KCNQ3: variants seen among roughly 807,000 people sequenced by gnomAD.
KCNQ3 encodes the protein potassium voltage-gated channel subfamily Q member 3.
KCNQ3 carries 30 observed loss-of-function variants against 92.5 expected under a neutral mutation model. The ratio of observed to expected loss-of-function variants is 0.32; its 90% CI spans 0.24 to 0.44. KCNQ3 has a LOEUF of 0.44. Ranked by LOEUF, KCNQ3 falls within the 20% of genes least tolerant of loss-of-function variation. KCNQ3 has a pLI of 1.00. For synonymous variants in KCNQ3, 450 were observed against 468.8 expected (o/e 0.96, Z 0.52); for missense variants, 913 against 1,140.3 (o/e 0.80, Z 2.87).
intron 1 of KCNQ3, among the ~76,000 whole-genome samples, chr8:132,398,245 C>T (rs887182528): frequency 1.3e-5 from 2 of 152,152 alleles, no homozygotes; most frequent in African/African-American, 4.8e-5. Flanking sequence ...GGCTTCAAAT[C>T]TCTCCCCCTC....
intron 1 of KCNQ3, among the ~76,000 whole-genome samples, chr8:132,316,518 G>A (rs1168169317): frequency 6.6e-6 from 1 of 152,194 alleles, no homozygotes; most frequent in Non-Finnish European, 1.5e-5. Flanking sequence ...GCCACTGTGT[G>A]GCTCAGTTTG....
chr8:132,364,152 A>C (rs1189464068), intron 1 of KCNQ3, among the ~76,000 whole-genome samples: 1 of 152,170 alleles, frequency 6.6e-6, no homozygotes, highest in African/African-American at 2.4e-5. Context: ...ATCACATCGA[A>C]CATAAGGCAA....
At chr8:132,372,705 C>T (rs2130740286) in intron 1 of KCNQ3, among the ~76,000 whole-genome samples, 1 of 129,912 alleles carries the variant, frequency 7.7e-6, no homozygotes, top group East Asian at 2.2e-4. Context: ...TTCAGTGAGC[C>T]AAGATCGTGC....
intron 9 of KCNQ3, among the ~76,000 whole-genome samples, chr8:132,158,861 CTG>C (rs1825890934): frequency 6.6e-6 from 1 of 152,142 alleles, no homozygotes; most frequent in African/African-American, 2.4e-5. Context: ...TTTGACCACT[CTG>C]TAGTGGGAAA....
At chr8:132,174,421 A>G in intron 5 of KCNQ3, 72 bp from the exon 6 acceptor site, 1 of 1,142,610 alleles carries the variant, frequency 8.8e-7, no homozygotes, top group Non-Finnish European at 1.3e-6. Context: ...ACTGAGCTCT[A>G]CCTGTAAGCC....
chr8:132,364,690 CGGACGGAT>C (rs1433590145), intron 1 of KCNQ3, among the ~76,000 whole-genome samples: 2,713 of 147,680 alleles, frequency 0.018, 82 homozygotes, highest in African/African-American at 0.064. Flanking sequence ...GACGGACGGA[CGGACGGAT>C]GGATGGATGG....
chr8:132,376,950 G>T (rs796639709), intron 1 of KCNQ3, among the ~76,000 whole-genome samples: 1 of 152,218 alleles, frequency 6.6e-6, no homozygotes, highest in Non-Finnish European at 1.5e-5. Context: ...ATGAGGAAGA[G>T]ACTGAGCTAT....
chr8:132,258,650 T>C (rs1815672141), intron 1 of KCNQ3, among the ~76,000 whole-genome samples: 2 of 151,770 alleles, frequency 1.3e-5, no homozygotes. Flanking sequence ...AGGAAAATAA[T>C]GACTACAGCA....
At chr8:132,273,570 T>C (rs574836351) in intron 1 of KCNQ3, among the ~76,000 whole-genome samples, 7 of 152,358 alleles carry the variant, frequency 4.6e-5, no homozygotes, top group Non-Finnish European at 1.0e-4. Context: ...CATTTGACTC[T>C]TTGTTGCTTA....
At chr8:132,372,470 T>C (rs1819498174) in intron 1 of KCNQ3, among the ~76,000 whole-genome samples, 2 of 152,066 alleles carry the variant, frequency 1.3e-5, no homozygotes, top group African/African-American at 2.4e-5. Flanking sequence ...GAAAAGTGCT[T>C]AGAGGCCGGG....
In KCNQ3 at chr8:132,354,425, G is replaced by GT. The variant is rs571825403; in HGVS notation, c.386+125721dup. On this transcript the variant is annotated intron_variant, in intron 1 of 14. Coordinates refer to ENST00000388996, the MANE Select transcript of KCNQ3 (RefSeq NM_004519.4). ...TCACCTGTAATTAGAAATTGGCTTGGTAAGAAAGGAATCAAAACAGGGGGC... is the reference window on the plus strand; with the variant it reads ...TCACCTGTAATTAGAAATTGGCTTGGTTAAGAAAGGAATCAAAACAGGGGGC... Among the ~76,000 whole-genome samples, 800 of 152,272 alleles carry GT rather than the reference G, an allele frequency of 5.3e-3. 10 individuals carry two copies. Among genetic ancestry groups the GT allele is most frequent in the South Asian group, 0.013 (62 of 4,822 alleles).
chr8:132,337,773 C>A lies in KCNQ3; in HGVS notation c.386+142374G>T, dbSNP rs538980811. On this transcript the variant is annotated intron_variant, in intron 1 of 14. Transcript: ENST00000388996. Reference sequence around the variant, plus strand: ...GAGGATAAAAATCAATGTGCCTAGGCCCATGCCTGGCATATAATAAATATT... The same window carrying A: ...GAGGATAAAAATCAATGTGCCTAGGACCATGCCTGGCATATAATAAATATT... Among the ~76,000 whole-genome samples, 247 of 152,290 alleles carry A rather than the reference C, an allele frequency of 1.6e-3. 1 individual carries two copies. Among genetic ancestry groups the A allele is most frequent in the African/African-American group, 5.3e-3 (222 of 41,558 alleles).
At chr8:132,336,611 C>G (rs185913142) in intron 1 of KCNQ3, among the ~76,000 whole-genome samples, 5 of 152,288 alleles carry the variant, frequency 3.3e-5, no homozygotes, top group African/African-American at 1.2e-4. Context: ...AAACATTGCA[C>G]CAACCACCTC....
At chr8:132,363,654 C>T (rs1414151512) in intron 1 of KCNQ3, among the ~76,000 whole-genome samples, 4 of 152,012 alleles carry the variant, frequency 2.6e-5, no homozygotes, top group African/African-American at 7.2e-5. Context: ...ACGCTGTCAC[C>T]ATCCACCCTG....
chr8:132,320,465 G>A (rs1177849496), intron 1 of KCNQ3, among the ~76,000 whole-genome samples: 1 of 152,078 alleles, frequency 6.6e-6, no homozygotes, highest in Non-Finnish European at 1.5e-5. Flanking sequence ...TTTGCCAAAG[G>A]TCACAGTGTC....
chr8:132,389,053 A>G (rs1334262041), intron 1 of KCNQ3, among the ~76,000 whole-genome samples: 1 of 152,268 alleles, frequency 6.6e-6, no homozygotes, highest in Non-Finnish European at 1.5e-5. Flanking sequence ...CCAGTTTGAT[A>G]GTAGACTTCA....
chr8:132,348,890 T>C (rs1238760874), intron 1 of KCNQ3, among the ~76,000 whole-genome samples: 3 of 152,206 alleles, frequency 2.0e-5, no homozygotes, highest in Admixed American at 6.5e-5. Flanking sequence ...TAACATACCA[T>C]GTGCACACAA....
intron 1 of KCNQ3, among the ~76,000 whole-genome samples, chr8:132,347,583 G>A (rs1226705668): frequency 6.6e-6 from 1 of 152,198 alleles, no homozygotes. Context: ...GCAAAGGGCA[G>A]CAGCAACCTA....
At chr8:132,235,222 G>A (rs1208084433) in intron 1 of KCNQ3, among the ~76,000 whole-genome samples, 1 of 152,084 alleles carries the variant, frequency 6.6e-6, no homozygotes, top group Non-Finnish European at 1.5e-5. Flanking sequence ...TTCCTGGCCG[G>A]GCGCAGTGGC....
Sources: allele counts gnomAD v4.1 joint callset (sites outside exome capture counted in the v4.1 genomes callset), GRCh38; gene constraint gnomAD v4.1.1; transcripts MANE v1.5; gene names NCBI Gene and HGNC (gene_info 2026-07-23, HGNC 2026-07-21).